The following ENDOV variants were observed in gnomAD, a reference collection of about 807,000 sequenced individuals.
ENDOV encodes hEndoV.
ENDOV carries 37 observed loss-of-function variants against 39.4 expected under a neutral mutation model. The observed-to-expected ratio is 0.94, with a 90% CI of 0.72 to 1.23. ENDOV has a LOEUF of 1.23. ENDOV is among the 50% of genes most tolerant of loss of function. The probability of loss-of-function intolerance (pLI) is 0.00; values close to 1 mark genes in which losing one functional copy is unlikely to be tolerated. For missense variants in ENDOV, 441 were observed against 375.7 expected (o/e 1.17, Z -1.44); for synonymous variants, 186 against 163.4 (o/e 1.14, Z -1.05).
intron 9 of ENDOV, among the ~76,000 whole-genome samples, chr17:80,431,748 C>T (rs553002792): frequency 6.6e-6 from 1 of 152,300 alleles, no homozygotes; most frequent in South Asian, 2.1e-4. Context: ...CTCACCGTGG[C>T]AGAGGAATCT....
At chr17:80,425,408 G>A (rs41299838) in intron 6 of ENDOV, 84 bp from the exon 7 acceptor site, 75,470 of 1,508,186 alleles carry the variant, frequency 0.05, 2,117 homozygotes, top group Middle Eastern at 0.091. Context: ...AGGACATTTT[G>A]TCAGAGCTCC....
At chr17:80,431,309 G>C (rs552965843) in intron 9 of ENDOV, among the ~76,000 whole-genome samples, 1 of 152,322 alleles carries the variant, frequency 6.6e-6, no homozygotes, top group East Asian at 1.9e-4. Context: ...GCGCTCACTC[G>C]AAAGCTGCTT....
chr17:80,423,166 G>A (rs78365278), intron 4 of ENDOV, among the ~76,000 whole-genome samples: 2,280 of 152,300 alleles, frequency 0.015, 61 homozygotes, highest in African/African-American at 0.052. Context: ...GTCATGTGCC[G>A]ACCCACATGC....
At chr17:80,415,913 C>T (rs2081073206) in intron 2 of ENDOV, 92 bp downstream of exon 2, 13 of 1,456,924 alleles carry the variant, frequency 8.9e-6, no homozygotes, top group Non-Finnish European at 1.1e-5. Flanking sequence ...GCGTAGAACC[C>T]GGCTTCTCGT....
At position 80,415,770 on chromosome 17, in the gene ENDOV, C is replaced by T. The variant is rs1568200765; in HGVS notation, c.177C>T (p.Asp59=). ...TTGACGTGTCCTTCGTGAAAGGGGA[C>T]AGTGTCCGCGCTTGTGCTTCCCTGG... is the stretch of plus-strand genomic sequence containing the variant. ...GGVDVSFVKG[D]SVRACASLVV... The change falls in exon 2 of 10, where the codon GAC becomes GAT. Residue 59 remains aspartate (D), a synonymous_variant. Coordinates refer to ENST00000518137, the MANE Select transcript of ENDOV (RefSeq NM_173627.5). 6.2e-7 allele frequency: 1 copy of T among 1,605,232 alleles called. No individual in the cohort carries two copies. The highest frequency in any genetic ancestry group is 8.5e-7 in the Non-Finnish European group (1 of 1,176,076).
Position 80,415,268 on chromosome 17 carries a change from C to G in ENDOV, c.56+18C>G, listed in dbSNP as rs369008205. 97 of 1,612,824 alleles carry G rather than the reference C, an allele frequency of 6.0e-5. No individual in the cohort carries two copies. In the African/African-American group the frequency reaches 1.2e-3, roughly 20 times the overall value. On this transcript the variant is annotated intron_variant, in intron 1 of 9. Coordinates refer to ENST00000518137, the MANE Select transcript of ENDOV (RefSeq NM_173627.5). ...TGGAAACGGTAATGCTGTCAGGCGA[C>G]GCGCAGGAGGCGGGGGCCGAGGCCG...
chr17:80,425,458 G>A (rs774830365), intron 6 of ENDOV, 34 bp from the exon 7 acceptor site: 2 of 1,577,214 alleles, frequency 1.3e-6, no homozygotes, highest in Admixed American at 1.8e-5. Context: ...CGGTGGCCCA[G>A]CCCACAGGAC....
chr17:80,415,396 G>A, intron 1 of ENDOV, 146 bp downstream of exon 1: 1 of 1,113,660 alleles, frequency 9.0e-7, no homozygotes, highest in African/African-American at 1.6e-5. Flanking sequence ...CGGCGCGGAA[G>A]CGGAGGGATC....
intron 9 of ENDOV, among the ~76,000 whole-genome samples, chr17:80,431,417 A>T (rs989803479): frequency 6.6e-6 from 1 of 152,166 alleles, no homozygotes; most frequent in Non-Finnish European, 1.5e-5. Context: ...AGAAATTTCT[A>T]TAAGAAGTAG....
intron 9 of ENDOV, among the ~76,000 whole-genome samples, chr17:80,435,928 A>T (rs1295011608): frequency 6.6e-6 from 1 of 150,666 alleles, no homozygotes; most frequent in African/African-American, 2.4e-5. Context: ...GTTTTTCAAG[A>T]TTTTTTTGTA....
At position 80,436,416 on chromosome 17, in the gene ENDOV, G is replaced by C. The variant is rs534779054; in HGVS notation, c.*273G>C. 7.4e-7 allele frequency: 1 copy of C among 1,352,176 alleles called. No homozygotes were observed. Among genetic ancestry groups the C allele is most frequent in the African/African-American group, 1.5e-5 (1 of 68,632 alleles). The allele number at this position is 1,352,176 out of a possible 1,614,324, so 83.8% of individuals were successfully genotyped here. A position where few individuals can be genotyped will look rare whatever the true frequency, so the allele number is the denominator to read the frequency against. On this transcript the variant is annotated 3_prime_UTR_variant, in exon 10 of 10. Coordinates refer to ENST00000518137, the MANE Select transcript of ENDOV (RefSeq NM_173627.5). ...GTGATGTGAGCTGTTAGATTTTCAA[G>C]GATGCTCTTCATCCAGCTGAAGACG...
In ENDOV at chr17:80,416,466, C is replaced by T. The variant is rs575976694; in HGVS notation, c.228+645C>T. Among the ~76,000 whole-genome samples, 28 of 152,208 alleles carry T rather than the reference C, an allele frequency of 1.8e-4. No individual in the cohort carries two copies. The East Asian group carries it at 5.4e-3, about 29-fold the overall frequency. ...CGTTCCTCTCGCGTCCAGTTGCACACTAGCTCGCTTTTATTCTGCCTCTTA... is the reference window on the plus strand; with the variant it reads ...CGTTCCTCTCGCGTCCAGTTGCACATTAGCTCGCTTTTATTCTGCCTCTTA... On this transcript the variant is annotated intron_variant, in intron 2 of 9. Coordinates refer to ENST00000518137, the MANE Select transcript of ENDOV (RefSeq NM_173627.5).
rs1187514805 is a variant in ENDOV, at chr17:80,415,238, C to T, written c.44C>T (p.Ser15Leu). The T allele has an allele frequency of 3.1e-6, 5 of 1,613,488 alleles. No individual in the cohort carries two copies. The highest frequency in any genetic ancestry group is 4.2e-6 in the Non-Finnish European group (5 of 1,179,726). ...GGAGGGCCGCCGGAGGAAACGCTGT[C>T]ACTGTGGAAACGGTAATGCTGTCAG... Reference protein sequence around the residue: ...AAGGPPEETLSLWKREQARLK... With the variant: ...AAGGPPEETLLLWKREQARLK... The change falls in exon 1 of 10, where the codon TCA (serine) becomes TTA (leucine). Residue 15 changes from serine (S) to leucine (L), a missense_variant. Transcript: ENST00000518137.
Position 80,415,258 on chromosome 17 carries a change from T to C in ENDOV, c.56+8T>C, listed in dbSNP as rs774606747. On this transcript the variant is annotated splice_region_variant and intron_variant, in intron 1 of 9. Coordinates refer to ENST00000518137, the MANE Select transcript of ENDOV (RefSeq NM_173627.5). Reference sequence around the variant, plus strand: ...GCTGTCACTGTGGAAACGGTAATGCTGTCAGGCGACGCGCAGGAGGCGGGG... The same window carrying C: ...GCTGTCACTGTGGAAACGGTAATGCCGTCAGGCGACGCGCAGGAGGCGGGG... The C allele has an allele frequency of 9.8e-5, 158 of 1,613,094 alleles. 2 individuals are homozygous for C. In the South Asian group the frequency reaches 1.6e-3, roughly 16 times the overall value.
In ENDOV at chr17:80,422,333, G is replaced by A; in HGVS notation, c.403+88G>A. The A allele has an allele frequency of 5.3e-6, 8 of 1,513,866 alleles. No individual in the cohort carries two copies. In the South Asian group the frequency reaches 9.4e-5, roughly 18 times the overall value. The allele number at this position is 1,513,866 out of a possible 1,614,324, so 93.8% of individuals were successfully genotyped here. Reference sequence around the variant, plus strand: ...TCTGTCGTCCCCCACAGAAAATGCTGGGCCCTCGGCCTCTGCCGCCAGCCC... The same window carrying A: ...TCTGTCGTCCCCCACAGAAAATGCTAGGCCCTCGGCCTCTGCCGCCAGCCC... On this transcript the variant is annotated intron_variant, in intron 4 of 9. Transcript: ENST00000518137.
intron 7 of ENDOV, among the ~76,000 whole-genome samples, chr17:80,426,004 C>T (rs2082644020): frequency 6.6e-6 from 1 of 152,204 alleles, no homozygotes; most frequent in East Asian, 1.9e-4. Context: ...GAACTTGAGC[C>T]AGGAGGCTCC....
chr17:80,430,243 C>T (rs1017680964), intron 9 of ENDOV: 22 of 1,471,442 alleles, frequency 1.5e-5, no homozygotes, highest in East Asian at 2.5e-5. Flanking sequence ...GACGCTTTCC[C>T]GGAGCCGACG....
In ENDOV at chr17:80,425,208, A is replaced by AC. The variant is rs367927328; in HGVS notation, c.585+114dup. 1.9e-3 allele frequency: 1,811 copies of AC among 972,366 alleles called. 24 individuals are homozygous for AC. The African/African-American group carries it at 0.027, about 14-fold the overall frequency. The allele number at this position is 972,366 out of a possible 1,614,324, so 60.2% of individuals were successfully genotyped here. A position where few individuals can be genotyped will look rare whatever the true frequency, so the allele number is the denominator to read the frequency against. ...CGTGCACTCACACTTGCCCACATCAACCCCCCGCCTGCCCGTCCATCCATC... is the reference window on the plus strand; with the variant it reads ...CGTGCACTCACACTTGCCCACATCAACCCCCCCGCCTGCCCGTCCATCCATC... On this transcript the variant is annotated intron_variant, in intron 6 of 9. Coordinates refer to ENST00000518137, the MANE Select transcript of ENDOV (RefSeq NM_173627.5).
chr17:80,420,376 C>T (rs1349468473), intron 2 of ENDOV: 1 of 152,240 alleles, frequency 6.6e-6, no homozygotes, highest in East Asian at 1.9e-4. Flanking sequence ...GTGATCCAGC[C>T]TGCTGGCTTC....
Sources: gnomAD v4.1 joint callset for allele counts (sites outside exome capture counted in the v4.1 genomes callset) on GRCh38, gnomAD v4.1.1 for gene constraint, MANE v1.5 for transcripts, NCBI Gene and HGNC (gene_info 2026-07-23, HGNC 2026-07-21) for gene names.